GPM6A: variants seen among roughly 807,000 people sequenced by gnomAD.
GPM6A encodes glycoprotein M6A, also known as neuronal membrane glycoprotein M6-a.
Under a neutral mutation model 32.1 loss-of-function variants are expected in GPM6A, and 7 were observed. The ratio of observed to expected loss-of-function variants is 0.22; its 90% confidence interval spans 0.12 to 0.41. GPM6A has a LOEUF of 0.41. Ranked by LOEUF, GPM6A falls within the 10% of genes least tolerant of loss-of-function variation. GPM6A has a pLI of 1.00. For missense variants in GPM6A, 235 were observed against 347.2 expected, an observed-to-expected ratio of 0.68 and a Z score of 2.57; for synonymous variants, 130 against 123.4, an observed-to-expected ratio of 1.05 and a Z score of -0.35.
At position 175,812,151 on chromosome 4, in the gene GPM6A, A is replaced by G. The variant is rs543299110; in HGVS notation, c.37+40T>C. Reference sequence around the variant, plus strand: ...CTAAAGCAAACAAGGAAACTGCAAAATAATTACTTAGTTACAAATAAACGC... The same window carrying G: ...CTAAAGCAAACAAGGAAACTGCAAAGTAATTACTTAGTTACAAATAAACGC... On this transcript the variant is annotated intron_variant, in intron 1 of 6. Transcript: ENST00000393658. The G allele has an allele frequency of 2.8e-5, 40 of 1,440,562 alleles. 1 individual carries two copies. In the South Asian group the frequency reaches 3.7e-4, roughly 13 times the overall value. 89.2% of individuals were successfully genotyped at this position (1,440,562 alleles called of 1,614,324 possible). A position where few individuals can be genotyped will look rare whatever the true frequency, so the allele number is the denominator to read the frequency against.
chr4:175,763,023 TA>T (rs755521449), intron 1 of GPM6A, among the ~76,000 whole-genome samples: 12 of 152,186 alleles, frequency 7.9e-5, no homozygotes, highest in Admixed American at 1.3e-4. Context: ...GCCTGTGTTC[TA>T]AAAACCACTG....
intron 1 of GPM6A, among the ~76,000 whole-genome samples, chr4:175,725,608 A>C (rs1274949513): frequency 1.3e-5 from 2 of 152,180 alleles, no homozygotes; most frequent in African/African-American, 4.8e-5. Context: ...TCTTATGCCA[A>C]ATGAGGAGTG....
chr4:175,654,848 G>A (rs1741995183), intron 3 of GPM6A, among the ~76,000 whole-genome samples: 1 of 152,082 alleles, frequency 6.6e-6, no homozygotes. Context: ...CATTGCTTTG[G>A]AGGACTAAAA....
chr4:175,674,027 C>G (rs1275377681), intron 2 of GPM6A, among the ~76,000 whole-genome samples, 191 bp from the exon 3 acceptor site: 1 of 152,130 alleles, frequency 6.6e-6, no homozygotes, highest in Admixed American at 6.5e-5. Context: ...GCTGCCACTT[C>G]CAATATTTGT....
intron 3 of GPM6A, among the ~76,000 whole-genome samples, chr4:175,653,622 A>G (rs1369076754): frequency 6.6e-6 from 1 of 152,200 alleles, no homozygotes; most frequent in East Asian, 1.9e-4. Context: ...TTCTTTTTTA[A>G]AATAATATCA....
rs1427763527 is a variant in GPM6A, at chr4:175,639,977, T to G, written c.684+152A>C. 1.7e-5 allele frequency: 12 copies of G among 693,870 alleles called. No homozygotes were observed. In the African/African-American group the frequency reaches 2.3e-4, roughly 13 times the overall value. The allele number at this position is 693,870 out of a possible 1,614,324, so 43.0% of individuals were successfully genotyped here. ...TTGGGGTTTAGTCTTGTTGTTGACT[T>G]ACTTACCCATTGTTTTCCCTACTTT... On this transcript the variant is annotated intron_variant, in intron 6 of 6. Transcript: ENST00000393658.
At chr4:175,691,324 G>T (rs1322526430) in intron 2 of GPM6A, among the ~76,000 whole-genome samples, 1 of 152,050 alleles carries the variant, frequency 6.6e-6, no homozygotes, top group Non-Finnish European at 1.5e-5. Context: ...TACTTCTTAA[G>T]GGATTAATTC....
chr4:175,676,520 G>C (rs563690858), intron 2 of GPM6A, among the ~76,000 whole-genome samples: 1 of 152,342 alleles, frequency 6.6e-6, no homozygotes, highest in East Asian at 1.9e-4. Flanking sequence ...AGGCTGAGGT[G>C]AGAGGATCAC....
chr4:175,960,229 A>G (rs1420655827), intron 1 of GPM6A, among the ~76,000 whole-genome samples: 1 of 152,210 alleles, frequency 6.6e-6, no homozygotes, highest in Admixed American at 6.5e-5. Context: ...CTTGGAGTCA[A>G]TTTTCAAATA....
intron 1 of GPM6A, among the ~76,000 whole-genome samples, chr4:175,876,832 TTTGTCCCTCATC>T: frequency 6.6e-6 from 1 of 152,290 alleles, no homozygotes; most frequent in African/African-American, 2.4e-5. Context: ...CAGTCTAGTA[TTTGTCCCTCATC>T]TGGTTCTCTG....
chr4:175,717,192 T>C (rs917532826), intron 1 of GPM6A, among the ~76,000 whole-genome samples: 1 of 152,150 alleles, frequency 6.6e-6, no homozygotes, highest in Non-Finnish European at 1.5e-5. Context: ...AAACCAGCCT[T>C]TACGCTCTTC....
chr4:175,908,802 A>G (rs917158605), intron 1 of GPM6A, among the ~76,000 whole-genome samples: 3 of 152,088 alleles, frequency 2.0e-5, no homozygotes, highest in African/African-American at 7.2e-5. Context: ...AATTCAAATA[A>G]ATTTGTTATG....
At chr4:175,653,516 CA>C (rs1741918372) in intron 3 of GPM6A, among the ~76,000 whole-genome samples, 1 of 152,074 alleles carries the variant, frequency 6.6e-6, no homozygotes, top group Admixed American at 6.6e-5. Context: ...TAAGATGAAA[CA>C]AACCCTGCCT....
At position 175,675,048 on chromosome 4, in the gene GPM6A, T is replaced by C. The variant is rs148070282; in HGVS notation, c.231-1212A>G. 2.6e-3 allele frequency among the ~76,000 whole-genome samples: 392 copies of C among 152,196 alleles called. 5 individuals carry two copies. The highest frequency in any genetic ancestry group is 9.1e-3 in the African/African-American group (377 of 41,564). On this transcript the variant is annotated intron_variant, in intron 2 of 6. Transcript: ENST00000393658. ...TAATTCTTTTCCCCAGCTCTGTAAC[T>C]AGGAAATGATATTCAATAACATTAA...
intron 4 of GPM6A, among the ~76,000 whole-genome samples, chr4:175,644,833 G>A (rs921031960): frequency 2.6e-5 from 4 of 152,148 alleles, no homozygotes; most frequent in African/African-American, 4.8e-5. Flanking sequence ...GAGGCCAGGC[G>A]CAGTGGCTCA....
At chr4:175,876,462 G>A (rs62334760) in intron 1 of GPM6A, among the ~76,000 whole-genome samples, 1 of 152,188 alleles carries the variant, frequency 6.6e-6, no homozygotes, top group Non-Finnish European at 1.5e-5. Context: ...AATTTCTGGA[G>A]AGAAAATATG....
chr4:175,976,427 A>G (rs922086203), intron 1 of GPM6A, among the ~76,000 whole-genome samples: 1 of 151,672 alleles, frequency 6.6e-6, no homozygotes, highest in Non-Finnish European at 1.5e-5. Flanking sequence ...CGGCCTCCCA[A>G]AGTGCTGGGA....
At chr4:175,803,891 G>C (rs1182488570) in intron 1 of GPM6A, among the ~76,000 whole-genome samples, 2 of 152,042 alleles carry the variant, frequency 1.3e-5, no homozygotes, top group Non-Finnish European at 2.9e-5. Context: ...TACTGTGAAA[G>C]GTTGAGCAGA....
At chr4:175,893,605 C>T (rs146517880) in intron 1 of GPM6A, among the ~76,000 whole-genome samples, 140 of 152,250 alleles carry the variant, frequency 9.2e-4, no homozygotes, top group African/African-American at 2.9e-3. Context: ...TTTCTTTCCT[C>T]GGCCAGTTTT....
Sources: allele counts gnomAD v4.1 joint callset (sites outside exome capture counted in the v4.1 genomes callset), GRCh38; gene constraint gnomAD v4.1.1; transcripts MANE v1.5; gene names NCBI Gene and HGNC (gene_info 2026-07-23, HGNC 2026-07-21).